C2CD5: variants seen among roughly 807,000 people sequenced by gnomAD.
C2CD5 encodes C2 domain-containing protein 5.
C2CD5 carries 109 observed loss-of-function variants against 130.3 expected under a neutral mutation model. That is an observed-to-expected ratio of 0.84 (90% confidence interval 0.72 to 0.98). The LOEUF is 0.98. C2CD5 is among the 50% of genes least tolerant of loss of function. C2CD5 has a pLI of 0.00. For synonymous variants in C2CD5, 454 were observed against 429.2 expected (o/e 1.06, Z -0.71); for missense variants, 996 against 1,261.8 (o/e 0.79, Z 3.19).
chr12:22,498,143 A>C (rs1327073816), intron 10 of C2CD5, among the ~76,000 whole-genome samples: 1 of 152,158 alleles, frequency 6.6e-6, no homozygotes, highest in Non-Finnish European at 1.5e-5. Flanking sequence ...TCTCTCAGGG[A>C]AAATGATAAT....
chr12:22,543,964 G>A, intron 2 of C2CD5, 97 bp downstream of exon 2: 3 of 911,490 alleles, frequency 3.3e-6, no homozygotes, highest in Non-Finnish European at 5.3e-6. Context: ...GAGGGCAGTC[G>A]AGGGGGGAAT....
intron 9 of C2CD5, chr12:22,512,559 A>G: frequency 1.0e-6 from 1 of 976,784 alleles, no homozygotes; most frequent in South Asian, 1.7e-5. Flanking sequence ...ACATTTGCTA[A>G]GATTAAATAA....
At position 22,453,999 on chromosome 12, in the gene C2CD5, A is replaced by G; in HGVS notation, c.2921T>C (p.Val974Ala). The change falls in exon 26 of 27, where the codon GTG (valine) becomes GCG (alanine). Residue 974 changes from valine to alanine, a missense_variant. Val to Ala is a moderately conservative substitution (Grantham distance 64, BLOSUM62 0). Transcript: ENST00000446597. ...AACATGAGCTCTCACCATTGCAAAC[A>G]CTTCAGCAATAAAAGCATGGAGAAA... The part of the protein sequence containing the change: ...SGFLHAFIAE[V>A]FAMVRAHVAA... 1.2e-6 allele frequency: 2 copies of G among 1,613,666 alleles called. No individual in the cohort carries two copies. Among genetic ancestry groups the G allele is most frequent in the Non-Finnish European group, 1.7e-6 (2 of 1,179,690 alleles).
At chr12:22,497,445 A>C (rs2136545346) in intron 10 of C2CD5, 1 of 164,250 alleles carries the variant, frequency 6.1e-6, no homozygotes, top group African/African-American at 2.4e-5. Context: ...AATTATTTTT[A>C]AAATGGACAG....
rs139442234 is a variant in C2CD5 at position 22,448,945 on chromosome 12, T to C, written c.*815A>G. 1.5e-4 allele frequency: 23 copies of C among 152,472 alleles called. No homozygotes were observed. The highest frequency in any genetic ancestry group is 4.4e-5 in the Non-Finnish European group (3 of 68,004). 9.4% of individuals were successfully genotyped at this position (152,472 alleles called of 1,614,324 possible). ...ATTTGGTAGGAGTGCAATATTATCTTATTAGGAAATAATTTTATGTTCCTA... is the reference window on the plus strand; with the variant it reads ...ATTTGGTAGGAGTGCAATATTATCTCATTAGGAAATAATTTTATGTTCCTA... On this transcript the variant is annotated 3_prime_UTR_variant, in exon 27 of 27. Coordinates refer to ENST00000446597, the MANE Select transcript of C2CD5 (RefSeq NM_001286176.2).
intron 12 of C2CD5, among the ~76,000 whole-genome samples, chr12:22,486,090 A>G (rs916300547): frequency 2.7e-5 from 4 of 150,890 alleles, no homozygotes; most frequent in African/African-American, 9.7e-5. Context: ...AAATTTCTCT[A>G]TGGGATGGGT....
At chr12:22,489,585 A>G (rs1946071895) in intron 12 of C2CD5, among the ~76,000 whole-genome samples, 1 of 152,114 alleles carries the variant, frequency 6.6e-6, no homozygotes, top group Admixed American at 6.6e-5. Context: ...TGCAAATACT[A>G]TACCATTTTA....
chr12:22,525,572 T>C, intron 5 of C2CD5, 38 bp downstream of exon 5: 1 of 930,200 alleles, frequency 1.1e-6, no homozygotes, highest in Non-Finnish European at 1.8e-6. Context: ...TTAACAGTTA[T>C]TACATTTCCT....
chr12:22,520,987 C>G (rs1434064598), intron 7 of C2CD5, among the ~76,000 whole-genome samples: 1 of 152,096 alleles, frequency 6.6e-6, no homozygotes, highest in Non-Finnish European at 1.5e-5. Context: ...TTGGAGTTTT[C>G]TGATTCGATC....
At chr12:22,544,242 C>T in intron 1 of C2CD5, 63 bp from the exon 2 acceptor site, 3 of 1,310,686 alleles carry the variant, frequency 2.3e-6, no homozygotes, top group South Asian at 2.5e-5. Flanking sequence ...GGCGGAGGCG[C>T]GCGGGGTAAC....
At chr12:22,534,019 C>T (rs957192426) in intron 3 of C2CD5, among the ~76,000 whole-genome samples, 1 of 152,150 alleles carries the variant, frequency 6.6e-6, no homozygotes, top group East Asian at 1.9e-4. Flanking sequence ...AACCCCATCT[C>T]TACTAAAAAT....
chr12:22,542,354 G>A (rs1362515010), intron 2 of C2CD5, among the ~76,000 whole-genome samples: 1 of 152,252 alleles, frequency 6.6e-6, no homozygotes, highest in Non-Finnish European at 1.5e-5. Context: ...GGAGGCTGCA[G>A]TGACCTGCAT....
At chr12:22,503,060 C>T (rs2136656579) in intron 10 of C2CD5, among the ~76,000 whole-genome samples, 1 of 152,202 alleles carries the variant, frequency 6.6e-6, no homozygotes, top group South Asian at 2.1e-4. Context: ...GTTGTAGTCA[C>T]CCGTTTGCTC....
chr12:22,473,239 AG>A (rs1432314751), intron 16 of C2CD5, among the ~76,000 whole-genome samples: 2 of 152,202 alleles, frequency 1.3e-5, no homozygotes, highest in Non-Finnish European at 2.9e-5. Context: ...TAAAATAAAT[AG>A]GTCTAAATTC....
At chr12:22,510,601 T>C (rs1280046102) in intron 9 of C2CD5, among the ~76,000 whole-genome samples, 4 of 152,224 alleles carry the variant, frequency 2.6e-5, no homozygotes, top group South Asian at 4.1e-4. Flanking sequence ...ATTTCTGCCA[T>C]GGTTTATTGT....
intron 10 of C2CD5, among the ~76,000 whole-genome samples, chr12:22,499,839 G>C (rs1445145365): frequency 6.6e-6 from 1 of 152,086 alleles, no homozygotes; most frequent in East Asian, 1.9e-4. Context: ...GATAAGTAAA[G>C]GTAACATTTT....
At chr12:22,513,041 G>C (rs1020246864) in intron 9 of C2CD5, among the ~76,000 whole-genome samples, 1 of 151,570 alleles carries the variant, frequency 6.6e-6, no homozygotes, top group Non-Finnish European at 1.5e-5. Context: ...GCATTCAATA[G>C]GTATTATCAA....
chr12:22,450,613 G>T (rs949670482), intron 26 of C2CD5, among the ~76,000 whole-genome samples: 12 of 151,752 alleles, frequency 7.9e-5, no homozygotes, highest in African/African-American at 2.2e-4. Flanking sequence ...TTTATATAAA[G>T]AATATGCAAA....
chr12:22,503,307 A>C (rs1948050422), intron 10 of C2CD5, among the ~76,000 whole-genome samples: 1 of 152,198 alleles, frequency 6.6e-6, no homozygotes, highest in Non-Finnish European at 1.5e-5. Flanking sequence ...TCAGCAGAGG[A>C]ACTCAGTGTC....
Sources: allele counts gnomAD v4.1 joint callset (sites outside exome capture counted in the v4.1 genomes callset), GRCh38; gene constraint gnomAD v4.1.1; transcripts MANE v1.5; gene names NCBI Gene and HGNC (gene_info 2026-07-23, HGNC 2026-07-21).